The following PCNX3 variants were observed in gnomAD, a reference collection of about 807,000 sequenced individuals.
PCNX3 encodes pecanex 3.
PCNX3 carries 58 observed loss-of-function variants against 207.2 expected under a neutral mutation model. The observed-to-expected ratio is 0.28, with a 90% CI of 0.23 to 0.35. PCNX3 has a LOEUF of 0.35. Ranked by LOEUF, PCNX3 falls within the 10% of genes least tolerant of loss-of-function variation. The probability of loss-of-function intolerance (pLI) is 1.00; values close to 1 mark genes in which losing one functional copy is unlikely to be tolerated. For synonymous variants in PCNX3, 1,337 were observed against 1,183.5 expected, an observed-to-expected ratio of 1.13 and a Z score of -2.66; for missense variants, 2,410 against 2,774.4, an observed-to-expected ratio of 0.87 and a Z score of 2.95.
chr11:65,617,426 A>G (rs1341578186), intron 3 of PCNX3, 44 bp from the exon 4 acceptor site: 1 of 1,613,478 alleles, frequency 6.2e-7, no homozygotes, highest in Non-Finnish European at 8.5e-7. Context: ...TCCTGAGCCT[A>G]CTTCTTGCCT....
chr11:65,630,187 G>C lies in PCNX3; in HGVS notation c.4217-164G>C, dbSNP rs1315871593. On this transcript the variant is annotated intron_variant, in intron 26 of 34. Coordinates refer to ENST00000355703, the MANE Select transcript of PCNX3 (RefSeq NM_032223.4). ...GGATGCTGGGAGTTGGGAGGAGAAA[G>C]GCAGGCGCTCTTTCGTGAATCTTGG... Among the ~76,000 whole-genome samples the C allele has an allele frequency of 3.3e-5, 5 of 152,210 alleles. No individual in the cohort carries two copies. In the South Asian group the frequency reaches 1.0e-3, roughly 32 times the overall value.
rs1007283650 is a variant in PCNX3, at chr11:65,629,568, G to A, written c.4049G>A (p.Arg1350His). 2.5e-5 allele frequency: 40 copies of A among 1,613,568 alleles called. No homozygotes were observed. The highest frequency in any genetic ancestry group is 3.1e-5 in the Non-Finnish European group (36 of 1,179,790). The change falls in exon 26 of 35, where the codon CGT becomes CAT. Residue 1350 changes from arginine (R) to histidine (H), a missense_variant. Physicochemically the swap from Arg to His is conservative, Grantham distance 29. This residue lies in a region of PCNX3 where 420 missense variants were observed against 705.3 expected (regional missense o/e 0.60). Coordinates refer to ENST00000355703, the MANE Select transcript of PCNX3 (RefSeq NM_032223.4). ...TCCATCTTCTATGAGCACTTGACAC[G>A]TTCGCTGCAGCACACACTGTGTGGG... is the stretch of plus-strand genomic sequence containing the variant. ...LNSIFYEHLT[R>H]SLQHTLCGDL...
In PCNX3 at chr11:65,624,384, A is replaced by G. The variant is rs1590884624; in HGVS notation, c.2716+18A>G. 4 of 1,552,240 alleles carry G rather than the reference A, an allele frequency of 2.6e-6. No homozygotes were observed. Among genetic ancestry groups the G allele is most frequent in the Non-Finnish European group, 3.5e-6 (4 of 1,147,388 alleles). On this transcript the variant is annotated intron_variant, in intron 14 of 34. Transcript: ENST00000355703. ...GGCCACTGGTGAGGCTGGGGCAGGG[A>G]TGAGGTGGCCCAGGAGAGTGAGTCC...
rs200153485 is a variant in PCNX3, at chr11:65,635,391, C to T, written c.5127C>T (p.Ser1709=). The change falls in exon 31 of 35, where the codon TCC becomes TCT. Residue 1709 remains serine, a synonymous_variant. Transcript: ENST00000355703. The surrounding 1 kb of genome is among the most constrained non-coding windows in gnomAD (Gnocchi z 9.9). ...TGCGCCATGTCCTGGATGATGCCTCCGACGAGTACAAGATCATCATGCTCA... is the reference window on the plus strand; with the variant it reads ...TGCGCCATGTCCTGGATGATGCCTCTGACGAGTACAAGATCATCATGCTCA... ...LALRHVLDDA[S]DEYKIIMLNR... The T allele has an allele frequency of 7.3e-4, 1,171 of 1,612,392 alleles. 12 individuals are homozygous for T. The Admixed American group carries it at 9.2e-3, about 13-fold the overall frequency.
intron 27 of PCNX3, among the ~76,000 whole-genome samples, chr11:65,632,942 G>A (rs553303456): frequency 7.2e-5 from 11 of 151,734 alleles, no homozygotes; most frequent in Admixed American, 3.3e-4. Context: ...ATGGGGTTTC[G>A]CCATGTTGTC....
chr11:65,628,780 G>A (rs571891825), intron 23 of PCNX3, 39 bp from the exon 24 acceptor site: 2 of 1,607,210 alleles, frequency 1.2e-6, no homozygotes, highest in Admixed American at 3.3e-5. Flanking sequence ...GGGGGGCTGG[G>A]AGGTCCTGTT....
chr11:65,632,634 TC>T (rs1855662726), intron 27 of PCNX3, among the ~76,000 whole-genome samples: 1 of 141,632 alleles, frequency 7.1e-6, no homozygotes, highest in Non-Finnish European at 1.5e-5. Context: ...TTCATTTTCT[TC>T]CTAAGATGAC....
In PCNX3 at chr11:65,634,106, G is replaced by A. The variant is rs367775290; in HGVS notation, c.4471-20G>A. 109 of 1,600,710 alleles carry A rather than the reference G, an allele frequency of 6.8e-5. No individual in the cohort carries two copies. The highest frequency in any genetic ancestry group is 1.6e-4 in the Middle Eastern group (1 of 6,072). On this transcript the variant is annotated intron_variant, in intron 27 of 34. Coordinates refer to ENST00000355703, the MANE Select transcript of PCNX3 (RefSeq NM_032223.4). The stretch of plus-strand genomic sequence containing the variant: ...GCCAGGGCCGGGACCCCGGCCTGAC[G>A]CCTGCCCCTCCTCTCCCAGAGCATC...
rs766747552 is a variant in PCNX3, at chr11:65,625,618, G to A, written c.3136-34G>A. The A allele has an allele frequency of 1.1e-5, 18 of 1,600,822 alleles. No homozygotes were observed. Among genetic ancestry groups the A allele is most frequent in the Non-Finnish European group, 1.5e-5 (18 of 1,171,752 alleles). ...GCTGGGCAGCTGAGTGTCTCTCCTGGCCGGGCAGCTGAATGTCTCTCCTGG... is the reference window on the plus strand; with the variant it reads ...GCTGGGCAGCTGAGTGTCTCTCCTGACCGGGCAGCTGAATGTCTCTCCTGG... On this transcript the variant is annotated intron_variant, in intron 18 of 34. Coordinates refer to ENST00000355703, the MANE Select transcript of PCNX3 (RefSeq NM_032223.4). The surrounding 1 kb of genome is among the most constrained non-coding windows in gnomAD (Gnocchi z 5.6).
rs1854716639 is a variant in PCNX3, at chr11:65,616,188, G to C, written c.-124G>C. The C allele has an allele frequency of 1.4e-6, 1 of 718,096 alleles. No individual in the cohort carries two copies. The highest frequency in any genetic ancestry group is 3.7e-5 in the South Asian group (1 of 27,280). 44.5% of individuals were successfully genotyped at this position (718,096 alleles called of 1,614,324 possible). On this transcript the variant is annotated 5_prime_UTR_variant, in exon 1 of 35. Coordinates refer to ENST00000355703, the MANE Select transcript of PCNX3 (RefSeq NM_032223.4). ...GCGGCCGAGCCCCCCTCCCCCGCTG[G>C]GGGAGGCCATGGCGTGAGCGTGAGG...
chr11:65,619,690 C>A, intron 7 of PCNX3, 30 bp downstream of exon 7: 1 of 1,577,676 alleles, frequency 6.3e-7, no homozygotes, highest in Non-Finnish European at 8.6e-7. Flanking sequence ...TGCCGAGGGG[C>A]ACCGGGGGCC....
chr11:65,617,819 C>T (rs1204388350), intron 5 of PCNX3, 113 bp downstream of exon 5: 6 of 1,457,366 alleles, frequency 4.1e-6, no homozygotes, highest in Non-Finnish European at 5.6e-6. Context: ...TGTGGGACCT[C>T]CCCAGTGTGC....
Position 65,634,197 on chromosome 11 carries a change from C to T in PCNX3, c.4542C>T (p.Ala1514=). 1 of 1,613,634 alleles carries T rather than the reference C, an allele frequency of 6.2e-7. No individual in the cohort carries two copies. Among genetic ancestry groups the T allele is most frequent in the African/African-American group, 1.3e-5 (1 of 75,086 alleles). ...TCAGCCATGAGGGCATCACGGCAGC[C>T]CTGAGGCCTGTGCGGGTGCCCGGCT... is the stretch of plus-strand genomic sequence containing the variant. ...VWLSHEGITA[A]LRPVRVPGYA... is the part of the protein sequence containing the mutation. Residue 1514 remains alanine, a synonymous_variant, in exon 28 of 35, where the codon GCC becomes GCT. Transcript: ENST00000355703.
At position 65,625,271 on chromosome 11, in the gene PCNX3, C is replaced by T; in HGVS notation, c.3020C>T (p.Thr1007Ile). 2.5e-6 allele frequency: 4 copies of T among 1,608,548 alleles called. No homozygotes were observed. The highest frequency in any genetic ancestry group is 3.4e-6 in the Non-Finnish European group (4 of 1,178,186). The change falls in exon 17 of 35, where the codon ACC (threonine) becomes ATC (isoleucine). Residue 1007 changes from threonine (T) to isoleucine (I), a missense_variant. By Grantham distance (89) the Thr-to-Ile change is moderately conservative. This residue lies in a region of PCNX3 where 333 missense variants were observed against 386.8 expected (regional missense o/e 0.86). Transcript: ENST00000355703. This position sits in a 1 kb window ranked among gnomAD's most constrained non-coding sequence, Gnocchi z 5.6. Reference protein sequence around the residue: ...YHLSRQSSDPTVLWSLIRSKL... With the variant: ...YHLSRQSSDPIVLWSLIRSKL... ...CTGAGCCGGCAGAGCAGCGACCCCACCGTGCTCTGGTGGGTGTGCTCCGGG... is the reference window on the plus strand; with the variant it reads ...CTGAGCCGGCAGAGCAGCGACCCCATCGTGCTCTGGTGGGTGTGCTCCGGG...
chr11:65,619,264 C>T (rs928709678), intron 6 of PCNX3, 197 bp downstream of exon 6: 5 of 346,596 alleles, frequency 1.4e-5, no homozygotes, highest in African/African-American at 2.2e-5. Context: ...GGCTCCACAT[C>T]CTTGATTAGC....
At chr11:65,633,566 G>A (rs930497163) in intron 27 of PCNX3, among the ~76,000 whole-genome samples, 1 of 152,248 alleles carries the variant, frequency 6.6e-6, no homozygotes, top group Non-Finnish European at 1.5e-5. Flanking sequence ...GTGACATCTG[G>A]ATGCTCCCGC....
Position 65,627,399 on chromosome 11 carries a change from C to T in PCNX3, c.3525-6C>T, listed in dbSNP as rs756056298. Reference sequence around the variant, plus strand: ...CAAGCACCCGATGCCTGCCCCTTGCCCACAGCTGCCGGGCGCTGCTGATGA... The same window carrying T: ...CAAGCACCCGATGCCTGCCCCTTGCTCACAGCTGCCGGGCGCTGCTGATGA... On this transcript the variant is annotated splice_polypyrimidine_tract_variant and splice_region_variant and intron_variant, in intron 21 of 34. Transcript: ENST00000355703. 1.1e-5 allele frequency: 18 copies of T among 1,606,284 alleles called. No homozygotes were observed. The highest frequency in any genetic ancestry group is 1.4e-5 in the Non-Finnish European group (17 of 1,179,446).
Position 65,619,034 on chromosome 11 carries a change from G to A in PCNX3, c.1672G>A (p.Gly558Arg). The A allele has an allele frequency of 1.3e-6, 2 of 1,593,624 alleles. No homozygotes were observed. Among genetic ancestry groups the A allele is most frequent in the Admixed American group, 1.7e-5 (1 of 59,370 alleles). Residue 558 changes from glycine (G) to arginine (R), a missense_variant, in exon 6 of 35, where the codon GGG becomes AGG. Gly to Arg is a moderately radical substitution (Grantham distance 125). Coordinates refer to ENST00000355703, the MANE Select transcript of PCNX3 (RefSeq NM_032223.4). ...CGCTGCCAACCAGCCCGGCTGGCGGGGGGAGCTGCAGGAGGAAGGTGCTGT... is the reference window on the plus strand; with the variant it reads ...CGCTGCCAACCAGCCCGGCTGGCGGAGGGAGCTGCAGGAGGAAGGTGCTGT... ...GPAANQPGWRGELQEEGAVGG... is the reference protein window; with the variant it reads ...GPAANQPGWRRELQEEGAVGG...
In PCNX3 at chr11:65,616,847, G is replaced by A. The variant is rs942103945; in HGVS notation, c.177G>A (p.Val59=). ...LYMVLPPSLM[V]AGVYCLVVAV... is the part of the protein sequence containing the mutation. ...AGGTCCTGCCTCCCAGCTTGATGGT[G>A]GCCGGCGTGTACTGCCTCGTGGTGG... is the stretch of plus-strand genomic sequence containing the variant. Residue 59 remains valine, a synonymous_variant, in exon 2 of 35, where the codon GTG becomes GTA. Transcript: ENST00000355703. The A allele has an allele frequency of 8.7e-6, 14 of 1,612,970 alleles. No individual in the cohort carries two copies. In the Admixed American group the frequency reaches 1.3e-4, roughly 15 times the overall value.
Sources: allele counts gnomAD v4.1 joint callset (sites outside exome capture counted in the v4.1 genomes callset), GRCh38; gene constraint gnomAD v4.1.1; regional missense constraint gnomAD v4.1.1; non-coding constraint Gnocchi (gnomAD v3.1); transcripts MANE v1.5; gene names NCBI Gene and HGNC (gene_info 2026-07-23, HGNC 2026-07-21).